Variants in FRK observed in about 807,000 individuals in gnomAD.
FRK encodes tyrosine-protein kinase FRK.
A neutral mutation model predicts 56.4 loss-of-function variants in FRK; 51 were observed. The ratio of observed to expected loss-of-function variants is 0.90; its 90% CI spans 0.72 to 1.14. FRK has a LOEUF of 1.14. FRK is among the 50% of genes most tolerant of loss of function. The pLI is 0.00. For missense variants in FRK, 570 were observed against 601.4 expected (o/e 0.95, Z 0.55); for synonymous variants, 245 against 217.9 (o/e 1.12, Z -1.10).
intron 2 of FRK, among the ~76,000 whole-genome samples, chr6:115,997,440 CA>C (rs200897548): frequency 0.026 from 3,502 of 135,350 alleles, 102 homozygotes; most frequent in African/African-American, 0.073. Context: ...TCTCCCTGAC[CA>C]AAAAAAAAAA....
chr6:116,035,421 AAC>A lies in FRK; in HGVS notation c.344+24545_344+24546del, dbSNP rs529075171. Among the ~76,000 whole-genome samples the A allele has an allele frequency of 4.9e-4, 75 of 152,180 alleles. 1 individual carries two copies. The South Asian group carries it at 0.015, about 31-fold the overall frequency. ...GGATCATCCACATTATAACATTTCT[AAC>A]AGTCTTATTCTTTTCCAATATAACT... On this transcript the variant is annotated intron_variant, in intron 1 of 7. Transcript: ENST00000606080.
chr6:115,950,286 G>C (rs1388826332), intron 5 of FRK, among the ~76,000 whole-genome samples: 1 of 152,152 alleles, frequency 6.6e-6, no homozygotes, highest in African/African-American at 2.4e-5. Flanking sequence ...CTATCCATCT[G>C]ACAAAGGGCT....
intron 1 of FRK, among the ~76,000 whole-genome samples, chr6:116,049,409 T>C (rs547514222): frequency 6.6e-6 from 1 of 152,350 alleles, no homozygotes; most frequent in Non-Finnish European, 1.5e-5. Flanking sequence ...ACAGTCTTTC[T>C]GCTCCAGGAA....
intron 5 of FRK, among the ~76,000 whole-genome samples, chr6:115,955,735 C>G (rs961601525): frequency 6.6e-6 from 1 of 152,150 alleles, no homozygotes; most frequent in Non-Finnish European, 1.5e-5. Flanking sequence ...CCTGACATTT[C>G]AAGAAATTAT....
At chr6:116,044,797 T>C (rs1350850866) in intron 1 of FRK, among the ~76,000 whole-genome samples, 1 of 152,196 alleles carries the variant, frequency 6.6e-6, no homozygotes, top group East Asian at 1.9e-4. Flanking sequence ...TCAAATTGTC[T>C]CTGTTTGCAG....
intron 5 of FRK, among the ~76,000 whole-genome samples, chr6:115,951,041 G>A (rs1772726116): frequency 6.6e-6 from 1 of 152,136 alleles, no homozygotes; most frequent in Non-Finnish European, 1.5e-5. Flanking sequence ...CAAAGGGAGG[G>A]ACAGCATTAG....
chr6:115,967,257 A>G (rs1352626597), intron 4 of FRK, among the ~76,000 whole-genome samples: 2 of 152,184 alleles, frequency 1.3e-5, no homozygotes, highest in Non-Finnish European at 2.9e-5. Flanking sequence ...AACTAAGGCT[A>G]GGAACAAAAT....
At chr6:116,026,661 A>T (rs1776106021) in intron 1 of FRK, among the ~76,000 whole-genome samples, 1 of 151,898 alleles carries the variant, frequency 6.6e-6, no homozygotes, top group Admixed American at 6.6e-5. Flanking sequence ...AGGGATGTGG[A>T]TAAGATGTCT....
At chr6:116,007,638 A>G (rs1775291601) in intron 1 of FRK, among the ~76,000 whole-genome samples, 1 of 152,236 alleles carries the variant, frequency 6.6e-6, no homozygotes, top group Non-Finnish European at 1.5e-5. Flanking sequence ...TAGATAAGAA[A>G]TAATATACCA....
intron 4 of FRK, among the ~76,000 whole-genome samples, chr6:115,961,186 A>C (rs1216369438): frequency 1.4e-5 from 1 of 71,574 alleles, no homozygotes; most frequent in African/African-American, 5.8e-5. Flanking sequence ...TAACCAATAC[A>C]GAGAAGTGCT....
chr6:116,033,718 T>C (rs191772730), intron 1 of FRK, among the ~76,000 whole-genome samples: 143 of 152,262 alleles, frequency 9.4e-4, no homozygotes, highest in Admixed American at 4.9e-3. Flanking sequence ...CAACTCTAAG[T>C]CAGAGAGAAA....
rs1554227200 is a variant in FRK, at chr6:115,968,733, T to C, written c.473A>G (p.Asp158Gly). Residue 158 changes from aspartate to glycine, a missense_variant, in exon 3 of 8, where the codon GAT (aspartate) becomes GGT (glycine). By Grantham distance (94) the Asp-to-Gly change is moderately conservative (BLOSUM62 -1). Transcript: ENST00000606080. ...QKGEFSLSVL[D>G]GAVVKHYRIK... ...TCTGTAGTGTTTTACAACTGCTCCA[T>C]CTAAAACTGGAACCCAAAATAATTC... 3.7e-6 allele frequency: 6 copies of C among 1,611,124 alleles called. No individual in the cohort carries two copies. Among genetic ancestry groups the C allele is most frequent in the Non-Finnish European group, 5.1e-6 (6 of 1,178,868 alleles).
chr6:115,971,312 T>C (rs1773798235), intron 2 of FRK, among the ~76,000 whole-genome samples: 1 of 152,216 alleles, frequency 6.6e-6, no homozygotes, highest in African/African-American at 2.4e-5. Context: ...ATAAGTTTTC[T>C]AGTAAGCACT....
upstream of FRK, among the ~76,000 whole-genome samples, chr6:116,061,426 A>ACG (rs1375820000): frequency 6.6e-6 from 1 of 151,718 alleles, no homozygotes; most frequent in East Asian, 1.9e-4. Flanking sequence ...ACACACACAC[A>ACG]CACACACGCT....
intron 1 of FRK, among the ~76,000 whole-genome samples, chr6:116,047,443 G>T (rs1252391300): frequency 6.8e-6 from 1 of 146,056 alleles, no homozygotes; most frequent in Non-Finnish European, 1.5e-5. Flanking sequence ...TGTTGCCCAG[G>T]CTGGAGTGCA....
At chr6:116,088,291 CT>C in the FRK span, among the ~76,000 whole-genome samples, 1 of 152,106 alleles carries the variant, frequency 6.6e-6, no homozygotes, top group Non-Finnish European at 1.5e-5. Flanking sequence ...AGTAAAGTAA[CT>C]TTTGAGAAAT....
At chr6:116,050,972 T>C (rs1244818708) in intron 1 of FRK, among the ~76,000 whole-genome samples, 1 of 152,116 alleles carries the variant, frequency 6.6e-6, no homozygotes, top group Non-Finnish European at 1.5e-5. Context: ...TATGTCAGAA[T>C]TAATTATTAT....
At chr6:115,998,017 T>C (rs777668924) in intron 2 of FRK, among the ~76,000 whole-genome samples, 5 of 152,200 alleles carry the variant, frequency 3.3e-5, no homozygotes, top group Non-Finnish European at 5.9e-5. Context: ...CAAAGCAGTC[T>C]TTATCCCCAG....
At chr6:116,043,862 G>T (rs1776830103) in intron 1 of FRK, among the ~76,000 whole-genome samples, 3 of 152,086 alleles carry the variant, frequency 2.0e-5, no homozygotes, top group Non-Finnish European at 4.4e-5. Flanking sequence ...AAGAAGAAAA[G>T]AGAGAAGAAT....
Sources: gnomAD v4.1 joint callset for allele counts (sites outside exome capture counted in the v4.1 genomes callset) on GRCh38, gnomAD v4.1.1 for gene constraint, MANE v1.5 for transcripts, NCBI Gene and HGNC (gene_info 2026-07-23, HGNC 2026-07-21) for gene names.